The following GPR83 variants were observed in gnomAD, a reference collection of about 807,000 sequenced individuals.
The protein encoded by GPR83 is G-protein coupled receptor 72.
In GPR83, 23 loss-of-function variants were observed where a neutral mutation model predicts 28.0. The ratio of observed to expected loss-of-function variants is 0.82; its 90% CI spans 0.59 to 1.16. The LOEUF (loss-of-function observed/expected upper bound fraction) is 1.16, where lower values mean the gene tolerates loss of function less well. Among genes scored for constraint, GPR83 ranks in the 50% most tolerant of loss-of-function variants. GPR83 has a pLI of 0.00. For synonymous variants in GPR83, 234 were observed against 215.4 expected (o/e 1.09, Z -0.76); for missense variants, 610 against 536.6 (o/e 1.14, Z -1.35).
intron 3 of GPR83, among the ~76,000 whole-genome samples, chr11:94,390,068 G>A (rs12795215): frequency 0.036 from 5,438 of 151,774 alleles, 228 homozygotes; most frequent in African/African-American, 0.096. Context: ...ACTATCACAA[G>A]GACAAAAAAC....
rs1158627884 is a variant in GPR83 at position 94,397,595 on chromosome 11, C to T, written c.388-1071G>A. 3.9e-5 allele frequency among the ~76,000 whole-genome samples: 6 copies of T among 152,370 alleles called. No individual in the cohort carries two copies. In the South Asian group the frequency reaches 1.0e-3, roughly 26 times the overall value. ...CATTGGGCCCTCTGAGCCCCACTTT[C>T]CTCATCTGTAAAATGGGCTAACCCT... On this transcript the variant is annotated intron_variant, in intron 1 of 3. Coordinates refer to ENST00000243673, the MANE Select transcript of GPR83 (RefSeq NM_016540.4).
chr11:94,377,329 A>G lies in GPR83; in HGVS notation c.*2820T>C, dbSNP rs926443297. On this transcript the variant is annotated 3_prime_UTR_variant, in exon 4 of 4. Transcript: ENST00000243673. The stretch of plus-strand genomic sequence containing the variant: ...CAAGAGGCACAGTCCACAAACCTGA[A>G]GTAAATTTTATTGAGATGAGCAATT... The G allele has an allele frequency of 1.3e-5, 2 of 152,234 alleles. No homozygotes were observed. The highest frequency in any genetic ancestry group is 4.8e-5 in the African/African-American group (2 of 41,474). The allele number at this position is 152,234 out of a possible 1,614,324, so 9.4% of individuals were successfully genotyped here.
At chr11:94,383,642 T>A (rs1307730647) in intron 3 of GPR83, among the ~76,000 whole-genome samples, 1 of 152,080 alleles carries the variant, frequency 6.6e-6, no homozygotes, top group Non-Finnish European at 1.5e-5. Flanking sequence ...TAAAAAATGA[T>A]AAAGGGGATA....
chr11:94,392,072 C>T (rs1944822131), intron 3 of GPR83, among the ~76,000 whole-genome samples: 1 of 152,006 alleles, frequency 6.6e-6, no homozygotes, highest in African/African-American at 2.4e-5. Flanking sequence ...TGGAACCAAC[C>T]CAAATGTCCA....
At chr11:94,386,790 C>T (rs1343027649) in intron 3 of GPR83, among the ~76,000 whole-genome samples, 1 of 152,072 alleles carries the variant, frequency 6.6e-6, no homozygotes, top group Non-Finnish European at 1.5e-5. Context: ...TTAACAAGGA[C>T]ATCCAGTAAT....
intron 1 of GPR83, among the ~76,000 whole-genome samples, chr11:94,399,353 T>G (rs1944891857): frequency 6.6e-6 from 1 of 152,052 alleles, no homozygotes. Context: ...AAGTCCAGGG[T>G]TTGGAGTAGC....
At chr11:94,383,490 C>G (rs1004800413) in intron 3 of GPR83, among the ~76,000 whole-genome samples, 2 of 152,090 alleles carry the variant, frequency 1.3e-5, no homozygotes, top group South Asian at 4.1e-4. Flanking sequence ...AAGATCAGAG[C>G]AGAACTGATG....
chr11:94,399,372 A>G lies in GPR83; in HGVS notation c.387+1489T>C, dbSNP rs573898023. Among the ~76,000 whole-genome samples the G allele has an allele frequency of 5.9e-5, 9 of 152,318 alleles. No individual in the cohort carries two copies. In the South Asian group the frequency reaches 1.9e-3, roughly 32 times the overall value. On this transcript the variant is annotated intron_variant, in intron 1 of 3. Transcript: ENST00000243673. ...CCAGGGTTTGGAGTAGCAGAAGCTAAACATGGTCCAAGAGTGTCCTTCACT... is the reference window on the plus strand; with the variant it reads ...CCAGGGTTTGGAGTAGCAGAAGCTAGACATGGTCCAAGAGTGTCCTTCACT...
At chr11:94,386,222 T>C (rs1020138039) in intron 3 of GPR83, among the ~76,000 whole-genome samples, 1 of 152,128 alleles carries the variant, frequency 6.6e-6, no homozygotes, top group Non-Finnish European at 1.5e-5. Context: ...AAGGAACAAC[T>C]GGTACCAGCC....
chr11:94,380,683 C>A lies in GPR83; in HGVS notation c.738G>T (p.Leu246=). ...TGATGAGGAGGGGCAGGATGTAGAG[C>A]AGGATGAAGGTGGCCAAGTCCAGGT... ...WKYLDLATFI[L]LYILPLLIIS... The change falls in exon 4 of 4, where the codon CTG becomes CTT. Residue 246 remains leucine (L), a synonymous_variant. Coordinates refer to ENST00000243673, the MANE Select transcript of GPR83 (RefSeq NM_016540.4). 6.2e-7 allele frequency: 1 copy of A among 1,613,570 alleles called. No homozygotes were observed. The highest frequency in any genetic ancestry group is 8.5e-7 in the Non-Finnish European group (1 of 1,179,986).
chr11:94,385,693 C>A (rs1944746984), intron 3 of GPR83, among the ~76,000 whole-genome samples: 1 of 152,130 alleles, frequency 6.6e-6, no homozygotes. Context: ...AAATATGGGA[C>A]TATGCGAAAA....
Position 94,393,606 on chromosome 11 carries a change from G to C in GPR83, c.526C>G (p.Pro176Ala). The change falls in exon 3 of 4, where the codon CCC becomes GCC. Residue 176 changes from proline to alanine, a missense_variant. Coordinates refer to ENST00000243673, the MANE Select transcript of GPR83 (RefSeq NM_016540.4). Reference protein sequence around the residue: ...AVDRHQVIMHPLKPRISITKG... With the variant: ...AVDRHQVIMHALKPRISITKG... ...GTGATTGAGATCCGGGGTTTCAAGG[G>C]GTGCATGATGACCTGGAAAACAAGC... 6.2e-7 allele frequency: 1 copy of C among 1,613,842 alleles called. No individual in the cohort carries two copies. The highest frequency in any genetic ancestry group is 2.2e-5 in the East Asian group (1 of 44,866).
At chr11:94,383,113 T>C (rs1465662832) in intron 3 of GPR83, among the ~76,000 whole-genome samples, 2 of 149,444 alleles carry the variant, frequency 1.3e-5, no homozygotes, top group Admixed American at 1.3e-4. Flanking sequence ...ATCATGCCAC[T>C]GCACTCCAGC....
chr11:94,387,969 A>C (rs1944777285), intron 3 of GPR83, among the ~76,000 whole-genome samples: 1 of 152,242 alleles, frequency 6.6e-6, no homozygotes, highest in South Asian at 2.1e-4. Flanking sequence ...CAAAAAGCTT[A>C]TCCACCATGA....
At chr11:94,393,430 C>G (rs376130003) in intron 3 of GPR83, 55 bp downstream of exon 3, 2 of 1,576,334 alleles carry the variant, frequency 1.3e-6, no homozygotes, top group African/African-American at 1.3e-5. Context: ...CTTGGTGGAG[C>G]CTGACTCAGG....
Position 94,400,974 on chromosome 11 carries a change from C to G in GPR83, c.274G>C (p.Val92Leu). The G allele has an allele frequency of 6.2e-7, 1 of 1,614,072 alleles. No individual in the cohort carries two copies. ...TGGTTCTTGAAGATGACATGACAGACCAGGACGTTGCCAAAGAGTGAGAAG... is the reference window on the plus strand; with the variant it reads ...TGGTTCTTGAAGATGACATGACAGAGCAGGACGTTGCCAAAGAGTGAGAAG... ...IVFSLFGNVLVCHVIFKNQRM... is the reference protein window; with the variant it reads ...IVFSLFGNVLLCHVIFKNQRM... Residue 92 changes from valine to leucine, a missense_variant, in exon 1 of 4, where the codon GTC becomes CTC. Transcript: ENST00000243673.
Position 94,379,989 on chromosome 11 carries a change from C to A in GPR83, c.*160G>T. The A allele has an allele frequency of 2.0e-6, 1 of 489,196 alleles. No individual in the cohort carries two copies. The highest frequency in any genetic ancestry group is 3.5e-6 in the Non-Finnish European group (1 of 288,730). The allele number at this position is 489,196 out of a possible 1,614,324, so 30.3% of individuals were successfully genotyped here. On this transcript the variant is annotated 3_prime_UTR_variant, in exon 4 of 4. Coordinates refer to ENST00000243673, the MANE Select transcript of GPR83 (RefSeq NM_016540.4). ...GTGGTGCCTTTTAGTTTTCACATCA[C>A]ATGGGGCTAGGAGGCTGGACAGTTT...
intron 2 of GPR83, among the ~76,000 whole-genome samples, chr11:94,395,518 T>C (rs528471290): frequency 1.4e-4 from 22 of 152,238 alleles, no homozygotes; most frequent in South Asian, 4.1e-4. Flanking sequence ...CACAGGCACA[T>C]GATCTCGGAA....
At chr11:94,398,905 G>A (rs1172544919) in intron 1 of GPR83, among the ~76,000 whole-genome samples, 1 of 152,170 alleles carries the variant, frequency 6.6e-6, no homozygotes. Context: ...CAGGTTCAAG[G>A]CTAAGCTGCT....
Sources: gnomAD v4.1 joint callset for allele counts (sites outside exome capture counted in the v4.1 genomes callset) on GRCh38, gnomAD v4.1.1 for gene constraint, MANE v1.5 for transcripts, NCBI Gene and HGNC (gene_info 2026-07-23, HGNC 2026-07-21) for gene names.